Variants in FAM53B observed in about 807,000 individuals in gnomAD.
The protein encoded by FAM53B is family with sequence similarity 53 member B.
FAM53B carries 12 observed loss-of-function variants against 32.7 expected under a neutral mutation model. The observed-to-expected ratio is 0.37, with a 90% CI of 0.24 to 0.59. The LOEUF (loss-of-function observed/expected upper bound fraction) is 0.59. FAM53B is among the 20% of genes least tolerant of loss of function. The pLI is 0.72. For missense variants in FAM53B, 477 were observed against 577.7 expected, an observed-to-expected ratio of 0.83 and a Z score of 1.79; for synonymous variants, 234 against 228.7, an observed-to-expected ratio of 1.02 and a Z score of -0.21.
At chr10:124,736,180 G>A (rs924850866) in intron 1 of FAM53B, among the ~76,000 whole-genome samples, 2 of 152,258 alleles carry the variant, frequency 1.3e-5, no homozygotes, top group African/African-American at 2.4e-5. Context: ...TAAAAACGCT[G>A]GGTGGCAGGA....
chr10:124,655,062 G>A (rs1589739414), intron 4 of FAM53B, among the ~76,000 whole-genome samples: 1 of 152,172 alleles, frequency 6.6e-6, no homozygotes, highest in African/African-American at 2.4e-5. Flanking sequence ...CGTTTTAGAT[G>A]ATGGCAACAC....
intron 4 of FAM53B, among the ~76,000 whole-genome samples, chr10:124,663,135 C>A (rs1356396517): frequency 6.6e-6 from 1 of 152,250 alleles, no homozygotes; most frequent in Non-Finnish European, 1.5e-5. Context: ...ACAAGGCAGG[C>A]TGCTTCTCCT....
intron 1 of FAM53B, among the ~76,000 whole-genome samples, chr10:124,740,705 C>A (rs1421124876): frequency 3.3e-5 from 5 of 152,194 alleles, no homozygotes; most frequent in African/African-American, 9.6e-5. Context: ...ATCCGTTGGA[C>A]AAGTTTAAAC....
intron 4 of FAM53B, among the ~76,000 whole-genome samples, chr10:124,676,345 C>A (rs1297486817): frequency 6.6e-6 from 1 of 152,176 alleles, no homozygotes; most frequent in Non-Finnish European, 1.5e-5. Flanking sequence ...AGCTTCCCAC[C>A]CTGAGAGGAA....
rs575407016 is a variant in FAM53B, at chr10:124,647,299, G to A, written c.907-23695C>T. Among the ~76,000 whole-genome samples, 7 of 152,284 alleles carry A rather than the reference G, an allele frequency of 4.6e-5. No homozygotes were observed. In the South Asian group the frequency reaches 1.5e-3, roughly 32 times the overall value. On this transcript the variant is annotated intron_variant, in intron 4 of 4. Coordinates refer to ENST00000337318, the MANE Select transcript of FAM53B (RefSeq NM_014661.4). ...TGGATGAATGGCGCAGAAAGCCACG[G>A]CAAATCTCCCTGTCTCTGAGGAGCG...
chr10:124,686,968 G>C (rs986783918), intron 3 of FAM53B, among the ~76,000 whole-genome samples: 3 of 152,336 alleles, frequency 2.0e-5, no homozygotes, highest in African/African-American at 7.2e-5. Context: ...GAAAAGCAAA[G>C]CACTGCTATT....
At position 124,696,199 on chromosome 10, in the gene FAM53B, T is replaced by G. The variant is rs1949869001; in HGVS notation, c.92A>C (p.Lys31Thr). Residue 31 changes from lysine to threonine, a missense_variant, in exon 3 of 5, where the codon AAG becomes ACG. This residue lies in a region of FAM53B where 312 missense variants were observed against 420.2 expected (regional missense o/e 0.74). Transcript: ENST00000337318. ...GAAAAGTGTAGGTCCTTGACTCATC[T>G]TCTTTGGCGTGTGCTGAAAACAACC... ...TFSRELHTPK[K>T]MSQGPTLFSC... 6.2e-7 allele frequency: 1 copy of G among 1,613,962 alleles called. No homozygotes were observed. The highest frequency in any genetic ancestry group is 1.1e-5 in the South Asian group (1 of 91,076).
At chr10:124,646,220 A>G (rs1261944409) in intron 4 of FAM53B, among the ~76,000 whole-genome samples, 1 of 152,178 alleles carries the variant, frequency 6.6e-6, no homozygotes, top group Non-Finnish European at 1.5e-5. Flanking sequence ...ATGTCACTCC[A>G]CATCACAGCG....
chr10:124,655,240 C>G (rs921701622), intron 4 of FAM53B, among the ~76,000 whole-genome samples: 3 of 152,176 alleles, frequency 2.0e-5, no homozygotes, highest in Non-Finnish European at 4.4e-5. Flanking sequence ...TCTCCCATCT[C>G]CCCACCCACA....
At chr10:124,693,566 G>A (rs1305596885) in intron 3 of FAM53B, among the ~76,000 whole-genome samples, 1 of 152,146 alleles carries the variant, frequency 6.6e-6, no homozygotes, top group Non-Finnish European at 1.5e-5. Flanking sequence ...GGACTGGAGA[G>A]GTAACCTGAG....
chr10:124,645,955 C>A (rs1259869167), intron 4 of FAM53B, among the ~76,000 whole-genome samples: 1 of 152,164 alleles, frequency 6.6e-6, no homozygotes, highest in Non-Finnish European at 1.5e-5. Context: ...CGAGAAGGTG[C>A]GTCTCCTTTG....
chr10:124,702,098 G>A (rs1949918069), intron 2 of FAM53B, among the ~76,000 whole-genome samples: 1 of 152,144 alleles, frequency 6.6e-6, no homozygotes, highest in Non-Finnish European at 1.5e-5. Flanking sequence ...CCCGCTCTGT[G>A]ACTAAGGCCT....
chr10:124,652,834 T>C (rs1478114466), intron 4 of FAM53B, among the ~76,000 whole-genome samples: 1 of 152,098 alleles, frequency 6.6e-6, no homozygotes, highest in Non-Finnish European at 1.5e-5. Flanking sequence ...AAAAATCTAC[T>C]AGCTGGAACC....
chr10:124,718,940 C>T (rs1480114649), intron 1 of FAM53B, among the ~76,000 whole-genome samples: 2 of 151,944 alleles, frequency 1.3e-5, no homozygotes, highest in Non-Finnish European at 2.9e-5. Flanking sequence ...CCCAGCTACA[C>T]AGGAGGCTGA....
Position 124,681,925 on chromosome 10 carries a change from T to C in FAM53B, c.588A>G (p.Gln196=). 6.2e-7 allele frequency: 1 copy of C among 1,613,956 alleles called. No individual in the cohort carries two copies. Among genetic ancestry groups the C allele is most frequent in the Non-Finnish European group, 8.5e-7 (1 of 1,179,982 alleles). ...CACACGGGGCTGAGCCTGGCACCCC[T>C]TGGCAGGGCTGCCCTCCAAATCGGT... The part of the protein sequence containing the change: ...LHHRFGGQPC[Q]GVPGSAPCGQ... Residue 196 remains glutamine (Q), a synonymous_variant, in exon 4 of 5, where the codon CAA becomes CAG. Transcript: ENST00000337318.
intron 1 of FAM53B, among the ~76,000 whole-genome samples, chr10:124,715,735 G>C (rs928897142): frequency 6.6e-6 from 1 of 152,244 alleles, no homozygotes; most frequent in African/African-American, 2.4e-5. Flanking sequence ...AGGAGCTGCA[G>C]GGCCCTGGCT....
At chr10:124,638,928 T>C (rs1434600241) in intron 4 of FAM53B, among the ~76,000 whole-genome samples, 4 of 152,164 alleles carry the variant, frequency 2.6e-5, no homozygotes, top group Admixed American at 6.5e-5. Flanking sequence ...GGACAAAGTA[T>C]ATGTAGGGCC....
At chr10:124,704,829 A>G (rs1271504401) in intron 2 of FAM53B, among the ~76,000 whole-genome samples, 2 of 152,210 alleles carry the variant, frequency 1.3e-5, no homozygotes, top group East Asian at 3.8e-4. Context: ...GAACAGGTTA[A>G]AAAGAGCCAG....
intron 4 of FAM53B, among the ~76,000 whole-genome samples, chr10:124,668,746 C>T (rs1949689273): frequency 6.6e-6 from 1 of 152,268 alleles, no homozygotes; most frequent in South Asian, 2.1e-4. Context: ...TGAGTGGGCC[C>T]AGCAAGTGTG....
Sources: gnomAD v4.1 joint callset for allele counts (sites outside exome capture counted in the v4.1 genomes callset) on GRCh38, gnomAD v4.1.1 for gene constraint, gnomAD v4.1.1 regional missense constraint, MANE v1.5 for transcripts, NCBI Gene and HGNC (gene_info 2026-07-23, HGNC 2026-07-21) for gene names.